PTPRD: variants seen among roughly 807,000 people sequenced by gnomAD.
PTPRD encodes protein tyrosine phosphatase receptor type D, also known as receptor-type tyrosine-protein phosphatase delta.
Under a neutral mutation model 214.5 loss-of-function variants are expected in PTPRD, and 34 were observed. The ratio of observed to expected loss-of-function variants is 0.16; its 90% CI spans 0.12 to 0.21. The LOEUF (loss-of-function observed/expected upper bound fraction) is 0.21. Ranked by LOEUF, PTPRD falls within the 10% of genes least tolerant of loss-of-function variation. PTPRD has a pLI of 1.00. For missense variants in PTPRD, 2,545 were observed against 2,398.7 expected (o/e 1.06, Z -1.27); for synonymous variants, 1,128 against 845.7 (o/e 1.33, Z -5.79).
At chr9:10,262,484 C>T (rs2475339) in intron 3 of PTPRD, among the ~76,000 whole-genome samples, 119,705 of 152,054 alleles carry the variant, frequency 0.79, 47,642 homozygotes, top group East Asian at 0.92. Flanking sequence ...ATGAATAAAA[C>T]TGAGGTCTGA....
chr9:9,282,364 G>C (rs1052639872), intron 9 of PTPRD, among the ~76,000 whole-genome samples: 2 of 151,258 alleles, frequency 1.3e-5, no homozygotes, highest in Non-Finnish European at 3.0e-5. Flanking sequence ...TTCATCTGAA[G>C]TTTGCTATGA....
rs559666412 is a variant in PTPRD at position 8,999,324 on chromosome 9, C to G, written c.-104+19373G>C. On this transcript the variant is annotated intron_variant, in intron 11 of 45. Transcript: ENST00000381196. ...TAAAAAACCGCAACAGCCACCCCAA[C>G]CTTCCACAACCCCCAGCCTGATCAG... Among the ~76,000 whole-genome samples the G allele has an allele frequency of 5.3e-5, 8 of 152,076 alleles. No individual in the cohort carries two copies. The East Asian group carries it at 1.5e-3, about 29-fold the overall frequency.
At chr9:9,644,713 T>TC (rs386361085) in intron 7 of PTPRD, among the ~76,000 whole-genome samples, 3 of 151,762 alleles carry the variant, frequency 2.0e-5, no homozygotes, top group Admixed American at 2.0e-4. Context: ...TGTTGCTTTT[T>TC]CCAAAACCAC....
intron 11 of PTPRD, among the ~76,000 whole-genome samples, chr9:8,889,486 G>A (rs1029540768): frequency 1.3e-5 from 2 of 152,088 alleles, no homozygotes; most frequent in African/African-American, 4.8e-5. Context: ...TTTCAGTAAT[G>A]TTTGGGGAAC....
intron 3 of PTPRD, among the ~76,000 whole-genome samples, chr9:10,174,372 A>G (rs970538987): frequency 4.6e-5 from 7 of 152,108 alleles, no homozygotes; most frequent in African/African-American, 1.7e-4. Flanking sequence ...TCTCTCACCA[A>G]GTGACCTCTG....
chr9:8,633,431 A>T lies in PTPRD; in HGVS notation c.238T>A (p.Ser80Thr), dbSNP rs1483006238. The change falls in exon 14 of 46, where the codon TCA (serine) becomes ACA (threonine). Residue 80 changes from serine to threonine, a missense_variant. Physicochemically the swap from Ser to Thr is moderately conservative, Grantham distance 58 (BLOSUM62 1). Coordinates refer to ENST00000381196, the MANE Select transcript of PTPRD (RefSeq NM_002839.4). ...CGTAAGGGTTGTATTCTGAGAACTGATCCAGACCCATCGTCAAACTCTATT... is the reference window on the plus strand; with the variant it reads ...CGTAAGGGTTGTATTCTGAGAACTGTTCCAGACCCATCGTCAAACTCTATT... Reference protein sequence around the residue: ...EVIEFDDGSGSVLRIQPLRTP... With the variant: ...EVIEFDDGSGTVLRIQPLRTP... The T allele has an allele frequency of 1.2e-6, 2 of 1,612,510 alleles. No homozygotes were observed. The highest frequency in any genetic ancestry group is 1.7e-6 in the Non-Finnish European group (2 of 1,179,014).
intron 2 of PTPRD, among the ~76,000 whole-genome samples, chr9:10,411,145 A>C (rs1029487007): frequency 2.6e-5 from 4 of 151,766 alleles, no homozygotes; most frequent in African/African-American, 7.3e-5. Flanking sequence ...TGCCATGACA[A>C]AGAATTTGAA....
At chr9:8,745,766 A>G (rs2092723036) in intron 11 of PTPRD, among the ~76,000 whole-genome samples, 1 of 149,544 alleles carries the variant, frequency 6.7e-6, no homozygotes, top group Non-Finnish European at 1.5e-5. Context: ...ATTACCATCA[A>G]GTTCTATTTT....
rs377597679 is a variant in PTPRD, at chr9:8,593,314, A to G, written c.352+40003T>C. On this transcript the variant is annotated intron_variant, in intron 14 of 45. Transcript: ENST00000381196. ...AGATGCTTGACTACAAATTCATAATATATCTATGGTCTCCCTGGACCATTC... is the reference window on the plus strand; with the variant it reads ...AGATGCTTGACTACAAATTCATAATGTATCTATGGTCTCCCTGGACCATTC... Among the ~76,000 whole-genome samples the G allele has an allele frequency of 2.9e-4, 44 of 152,330 alleles. No individual in the cohort carries two copies. In the East Asian group the frequency reaches 6.6e-3, roughly 23 times the overall value.
At chr9:10,521,806 A>C (rs937362452) in intron 2 of PTPRD, among the ~76,000 whole-genome samples, 1 of 152,184 alleles carries the variant, frequency 6.6e-6, no homozygotes, top group African/African-American at 2.4e-5. Flanking sequence ...AAAGGTATGT[A>C]CATTGTTTTT....
intron 44 of PTPRD, among the ~76,000 whole-genome samples, chr9:8,324,978 T>G (rs1163207929): frequency 6.6e-6 from 1 of 152,120 alleles, no homozygotes; most frequent in Non-Finnish European, 1.5e-5. Context: ...TTTAAGTTCT[T>G]TGTAGATTCT....
In PTPRD at chr9:8,317,416, C is replaced by A. The variant is rs566868083; in HGVS notation, c.*458G>T. ...TTTTAAACATTCCCTCCCCTTTCCCCCTAAAATGTTATTATGAGCAGTATG... is the reference window on the plus strand; with the variant it reads ...TTTTAAACATTCCCTCCCCTTTCCCACTAAAATGTTATTATGAGCAGTATG... On this transcript the variant is annotated 3_prime_UTR_variant, in exon 46 of 46. Coordinates refer to ENST00000381196, the MANE Select transcript of PTPRD (RefSeq NM_002839.4). The A allele has an allele frequency of 6.5e-3, 1,512 of 233,320 alleles. 8 individuals carry two copies. The highest frequency in any genetic ancestry group is 0.024 in the Middle Eastern group (19 of 778). 14.5% of individuals were successfully genotyped at this position (233,320 alleles called of 1,614,324 possible). A position where few individuals can be genotyped will look rare whatever the true frequency, so the allele number is the denominator to read the frequency against.
intron 3 of PTPRD, among the ~76,000 whole-genome samples, chr9:10,321,630 A>G (rs910705915): frequency 6.6e-6 from 1 of 152,062 alleles, no homozygotes; most frequent in African/African-American, 2.4e-5. Context: ...CAACATAAAT[A>G]ATCTTTAAGT....
At chr9:9,466,957 T>C (rs1423213209) in intron 8 of PTPRD, among the ~76,000 whole-genome samples, 1 of 152,162 alleles carries the variant, frequency 6.6e-6, no homozygotes, top group Non-Finnish European at 1.5e-5. Flanking sequence ...GAGGATTTTC[T>C]TGAATTTTTT....
At chr9:9,673,551 A>G (rs1262170830) in intron 7 of PTPRD, among the ~76,000 whole-genome samples, 1 of 151,830 alleles carries the variant, frequency 6.6e-6, no homozygotes, top group Non-Finnish European at 1.5e-5. Flanking sequence ...ACCCAAAAAG[A>G]AAAGATGAAC....
intron 7 of PTPRD, among the ~76,000 whole-genome samples, chr9:9,613,438 T>C (rs1430253280): frequency 6.6e-6 from 1 of 151,978 alleles, no homozygotes; most frequent in Non-Finnish European, 1.5e-5. Flanking sequence ...TAGATAAGCA[T>C]TCTGTTCTTT....
intron 5 of PTPRD, among the ~76,000 whole-genome samples, chr9:9,919,134 G>A (rs1198790949): frequency 6.6e-6 from 1 of 152,050 alleles, no homozygotes; most frequent in Non-Finnish European, 1.5e-5. Flanking sequence ...TATATAAAAT[G>A]AATAAGTCAT....
intron 14 of PTPRD, among the ~76,000 whole-genome samples, chr9:8,549,883 C>G (rs1241289539): frequency 6.6e-6 from 1 of 152,088 alleles, no homozygotes; most frequent in African/African-American, 2.4e-5. Flanking sequence ...AAAAAGGGTA[C>G]CATTTCAAGC....
chr9:9,182,634 C>T (rs1379924696), intron 10 of PTPRD, among the ~76,000 whole-genome samples: 1 of 151,802 alleles, frequency 6.6e-6, no homozygotes, highest in Admixed American at 6.6e-5. Flanking sequence ...AAAAAATGTC[C>T]TTGGCAGAGG....
Sources: allele counts gnomAD v4.1 joint callset (sites outside exome capture counted in the v4.1 genomes callset), GRCh38; gene constraint gnomAD v4.1.1; transcripts MANE v1.5; gene names NCBI Gene and HGNC (gene_info 2026-07-23, HGNC 2026-07-21).